The following TGIF2 variants were observed in gnomAD, a reference collection of about 807,000 sequenced individuals.
TGIF2 encodes TGFB induced factor homeobox 2, also known as homeobox protein TGIF2.
A neutral mutation model predicts 15.1 loss-of-function variants in TGIF2; 5 were observed. The ratio of observed to expected loss-of-function variants is 0.33; its 90% CI spans 0.17 to 0.70. The LOEUF (loss-of-function observed/expected upper bound fraction) is 0.70, where lower values mean the gene tolerates loss of function less well. Among genes scored for constraint, TGIF2 ranks in the 30% least tolerant of loss-of-function variants. TGIF2 has a pLI of 0.67. For synonymous variants in TGIF2, 131 were observed against 128.9 expected, an observed-to-expected ratio of 1.02 and a Z score of -0.11; for missense variants, 264 against 302.5, an observed-to-expected ratio of 0.87 and a Z score of 0.94.
At chr20:36,582,225 A>G (rs1158417489) in intron 2 of TGIF2, among the ~76,000 whole-genome samples, 1 of 152,126 alleles carries the variant, frequency 6.6e-6, no homozygotes, top group Non-Finnish European at 1.5e-5. Context: ...CACAAGAGCG[A>G]AACTCGGTCT....
At chr20:36,582,154 T>C (rs1207561586) in intron 2 of TGIF2, among the ~76,000 whole-genome samples, 1 of 152,046 alleles carries the variant, frequency 6.6e-6, no homozygotes, top group African/African-American at 2.4e-5. Flanking sequence ...AGAATCACTT[T>C]TGAACCCGGG....
rs1389082419 is a variant in TGIF2, at chr20:36,592,042, T to A, written c.*611T>A. On this transcript the variant is annotated 3_prime_UTR_variant, in exon 3 of 3. Coordinates refer to ENST00000373872, the MANE Select transcript of TGIF2 (RefSeq NM_021809.7). ...TGGTGAGCTGGGAAGGACCCACCAC[T>A]GCCACTGAGGATTGTTTTGGAAGAA... The A allele has an allele frequency of 6.6e-6, 1 of 152,610 alleles. No homozygotes were observed. Among genetic ancestry groups the A allele is most frequent in the Non-Finnish European group, 1.5e-5 (1 of 68,064 alleles). 9.5% of individuals were successfully genotyped at this position (152,610 alleles called of 1,614,324 possible).
intron 1 of TGIF2, chr20:36,574,736 C>T (rs1055342245): frequency 3.9e-5 from 6 of 152,258 alleles, no homozygotes; most frequent in Admixed American, 2.6e-4. Flanking sequence ...CTGTGGGGTG[C>T]AAGCGCCCCG....
At position 36,578,976 on chromosome 20, in the gene TGIF2, G is replaced by A; in HGVS notation, c.192+10G>A. The A allele has an allele frequency of 6.2e-7, 1 of 1,612,660 alleles. No homozygotes were observed. Among genetic ancestry groups the A allele is most frequent in the Non-Finnish European group, 8.5e-7 (1 of 1,179,222 alleles). ...CCTGTCAGTGCTGCAAGTAAGGAGG[G>A]GATCTGGATAAGGGGGTGGCAGGAG... On this transcript the variant is annotated intron_variant, in intron 2 of 2. Transcript: ENST00000373872.
intron 1 of TGIF2, among the ~76,000 whole-genome samples, chr20:36,575,481 A>C (rs2038409181): frequency 6.6e-6 from 1 of 152,162 alleles, no homozygotes; most frequent in African/African-American, 2.4e-5. Flanking sequence ...TGCATCACTG[A>C]GCCCAGATCC....
Position 36,590,959 on chromosome 20 carries a change from T to C in TGIF2, c.242T>C (p.Leu81Pro), listed in dbSNP as rs2038757749. Reference protein sequence around the residue: ...NARRRLLPDMLRKDGKDPNQF... With the variant: ...NARRRLLPDMPRKDGKDPNQF... ...CGGCGGCGGCTTCTCCCAGACATGC[T>C]TCGGAAGGATGGCAAAGACCCTAAT... The change falls in exon 3 of 3, where the codon CTT becomes CCT. Residue 81 changes from leucine (L) to proline (P), a missense_variant. By Grantham distance (98) the Leu-to-Pro change is moderately conservative. Coordinates refer to ENST00000373872, the MANE Select transcript of TGIF2 (RefSeq NM_021809.7). 6.5e-7 allele frequency: 1 copy of C among 1,533,126 alleles called. No homozygotes were observed. The highest frequency in any genetic ancestry group is 2.1e-5 in the Admixed American group (1 of 48,084). The allele number at this position is 1,533,126 out of a possible 1,614,324, so 95.0% of individuals were successfully genotyped here. A position where few individuals can be genotyped will look rare whatever the true frequency, so the allele number is the denominator to read the frequency against.
intron 1 of TGIF2, chr20:36,574,435 G>C (rs963041690): frequency 4.6e-5 from 6 of 131,820 alleles, no homozygotes; most frequent in Non-Finnish European, 7.0e-5. Flanking sequence ...TCTGGGCGCA[G>C]GGCTGGGGGG....
chr20:36,591,902 GA>G lies in TGIF2; in HGVS notation c.*473del, dbSNP rs1164252480. 3.9e-5 allele frequency: 6 copies of G among 155,174 alleles called. No individual in the cohort carries two copies. Among genetic ancestry groups the G allele is most frequent in the African/African-American group, 1.4e-4 (6 of 41,512 alleles). The allele number at this position is 155,174 out of a possible 1,614,324, so 9.6% of individuals were successfully genotyped here. A position where few individuals can be genotyped will look rare whatever the true frequency, so the allele number is the denominator to read the frequency against. On this transcript the variant is annotated 3_prime_UTR_variant, in exon 3 of 3. Coordinates refer to ENST00000373872, the MANE Select transcript of TGIF2 (RefSeq NM_021809.7). This position sits in a 1 kb window ranked among gnomAD's most constrained non-coding sequence, Gnocchi z 5.3. Reference sequence around the variant, plus strand: ...GGATGTAACAGAACCGACTCCAGTTGAATGTTTAGATTTTTGCTAAACTGTT... The same window carrying G: ...GGATGTAACAGAACCGACTCCAGTTGATGTTTAGATTTTTGCTAAACTGTT...
chr20:36,573,522 A>G (rs1203800434), upstream of TGIF2: 3 of 151,150 alleles, frequency 2.0e-5, no homozygotes, highest in Non-Finnish European at 4.4e-5. Context: ...CGCTCCGCAC[A>G]AAGTTTGTTT....
Position 36,592,008 on chromosome 20 carries a change from A to G in TGIF2, c.*577A>G, listed in dbSNP as rs1250476948. ...GTGGGGAACGAGAGTGCACTGCATG[A>G]TAGCGTTCTGGTGAGCTGGGAAGGA... On this transcript the variant is annotated 3_prime_UTR_variant, in exon 3 of 3. Coordinates refer to ENST00000373872, the MANE Select transcript of TGIF2 (RefSeq NM_021809.7). The G allele has an allele frequency of 6.5e-6, 1 of 152,924 alleles. No individual in the cohort carries two copies. The highest frequency in any genetic ancestry group is 2.4e-5 in the African/African-American group (1 of 41,450). The allele number at this position is 152,924 out of a possible 1,614,324, so 9.5% of individuals were successfully genotyped here.
At position 36,583,667 on chromosome 20, in the gene TGIF2, C is replaced by T. The variant is rs557019486; in HGVS notation, c.192+4701C>T. ...ATCCCAGCACTTTGGGAGGTTGAGG[C>T]GGGTGGGTCACCTGAGGTCAGGAGT... On this transcript the variant is annotated intron_variant, in intron 2 of 2. Transcript: ENST00000373872. Among the ~76,000 whole-genome samples the T allele has an allele frequency of 4.5e-4, 68 of 152,138 alleles. 1 individual carries two copies. Among genetic ancestry groups the T allele is most frequent in the African/African-American group, 1.5e-3 (64 of 41,524 alleles).
Position 36,578,855 on chromosome 20 carries a change from G to A in TGIF2, c.81G>A (p.Lys27=), listed in dbSNP as rs1379828334. 6.2e-7 allele frequency: 1 copy of A among 1,614,204 alleles called. No homozygotes were observed. Among genetic ancestry groups the A allele is most frequent in the Non-Finnish European group, 8.5e-7 (1 of 1,180,036 alleles). Residue 27 remains lysine, a synonymous_variant, in exon 2 of 3, where the codon AAG becomes AAA. Coordinates refer to ENST00000373872, the MANE Select transcript of TGIF2 (RefSeq NM_021809.7). ...GGAAGCGCAGGGGGAACCTGCCCAA[G>A]GAGTCGGTGAAGATCCTCCGGGACT... is the stretch of plus-strand genomic sequence containing the variant. ...GKRKRRGNLP[K]ESVKILRDWL... is the part of the protein sequence containing the mutation.
chr20:36,585,419 C>G (rs1298312184), intron 2 of TGIF2, among the ~76,000 whole-genome samples: 1 of 141,940 alleles, frequency 7.0e-6, no homozygotes, highest in African/African-American at 2.6e-5. Flanking sequence ...GAGCCAAGAT[C>G]ATGCCACTGC....
rs1049623347 is a variant in TGIF2 at position 36,585,499 on chromosome 20, G to A, written c.193-5411G>A. Among the ~76,000 whole-genome samples the A allele has an allele frequency of 3.5e-5, 5 of 144,360 alleles. No individual in the cohort carries two copies. The South Asian group carries it at 8.8e-4, about 25-fold the overall frequency. 94.7% of individuals were successfully genotyped at this position (144,360 alleles called of 152,430 possible). Reference sequence around the variant, plus strand: ...AAAAAAAAAAAAAAACTCCACAAAAGTAAGAGAATATAATAATCAACCACC... The same window carrying A: ...AAAAAAAAAAAAAAACTCCACAAAAATAAGAGAATATAATAATCAACCACC... On this transcript the variant is annotated intron_variant, in intron 2 of 2. Transcript: ENST00000373872.
At chr20:36,575,119 C>T (rs1406492780) in intron 1 of TGIF2, among the ~76,000 whole-genome samples, 1 of 151,996 alleles carries the variant, frequency 6.6e-6, no homozygotes, top group Non-Finnish European at 1.5e-5. Flanking sequence ...GTGTGGGTCA[C>T]AGTTGTTCGT....
At chr20:36,578,584 C>A (rs1470522488) in intron 1 of TGIF2, among the ~76,000 whole-genome samples, 157 bp from the exon 2 acceptor site, 1 of 152,214 alleles carries the variant, frequency 6.6e-6, no homozygotes. Flanking sequence ...GGACTCATCC[C>A]TTCTAGCTTG....
At chr20:36,588,900 G>C (rs2051659466) in intron 2 of TGIF2, among the ~76,000 whole-genome samples, 1 of 152,160 alleles carries the variant, frequency 6.6e-6, no homozygotes, top group South Asian at 2.1e-4. Context: ...TGGTGCTCTG[G>C]CCTGGTTGTC....
At chr20:36,574,172 T>G (rs2038361541) in intron 1 of TGIF2, among the ~76,000 whole-genome samples, 2 of 147,134 alleles carry the variant, frequency 1.4e-5, no homozygotes, top group Non-Finnish European at 3.0e-5. Context: ...CAGCTGGGGG[T>G]GGGGGCCGCG....
chr20:36,591,378 TCACTCCCATTACTGCA>T lies in TGIF2; in HGVS notation c.671_686del (p.Leu224SerfsTer3), dbSNP rs1190865549. On this transcript the variant is annotated frameshift_variant, in exon 3 of 3. Transcript: ENST00000373872. LOFTEE classifies it high-confidence loss of function. This position sits in a 1 kb window ranked among gnomAD's most constrained non-coding sequence, Gnocchi z 5.3. ...GGAGCTTCAGAAGCAGCAGGACCCA[TCACTCCCATTACTGCA>T]CACTCCCATCCCTTTAGTCTCTGAA... The T allele has an allele frequency of 6.2e-7, 1 of 1,613,978 alleles. No homozygotes were observed. Among genetic ancestry groups the T allele is most frequent in the East Asian group, 2.2e-5 (1 of 44,894 alleles).
Sources: allele counts gnomAD v4.1 joint callset (sites outside exome capture counted in the v4.1 genomes callset), GRCh38; gene constraint gnomAD v4.1.1; non-coding constraint Gnocchi (gnomAD v3.1); transcripts MANE v1.5; gene names NCBI Gene and HGNC (gene_info 2026-07-23, HGNC 2026-07-21).